Variants in GRIP2 observed in about 807,000 individuals in gnomAD.
The protein encoded by GRIP2 is glutamate receptor interacting protein 2.
Under a neutral mutation model 108.3 loss-of-function variants are expected in GRIP2, and 58 were observed. The observed-to-expected ratio is 0.54, with a 90% CI of 0.43 to 0.67. GRIP2 has a LOEUF of 0.67. GRIP2 is among the 30% of genes least tolerant of loss of function. GRIP2 has a pLI of 0.00. For missense variants in GRIP2, 1,278 were observed against 1,430.6 expected (o/e 0.89, Z 1.72); for synonymous variants, 586 against 598.2 (o/e 0.98, Z 0.30).
chr3:14,515,306 A>G (rs1694219200), intron 11 of GRIP2, among the ~76,000 whole-genome samples: 1 of 152,202 alleles, frequency 6.6e-6, no homozygotes, highest in Non-Finnish European at 1.5e-5. Context: ...ACATTTGTGT[A>G]TAAGTTTTTA....
At chr3:14,588,818 C>G in the GRIP2 span, among the ~76,000 whole-genome samples, 3 of 152,200 alleles carry the variant, frequency 2.0e-5, no homozygotes, top group African/African-American at 7.2e-5. Flanking sequence ...AAGGGCCCCC[C>G]ACACCTCCCA....
chr3:14,506,668 G>A, intron 19 of GRIP2, 133 bp downstream of exon 19: 4 of 833,124 alleles, frequency 4.8e-6, no homozygotes, highest in Non-Finnish European at 7.0e-6. Context: ...CTTCCTTCAG[G>A]AAGGGCCCCT....
At chr3:14,527,950 T>C (rs2124935223) in intron 1 of GRIP2, among the ~76,000 whole-genome samples, 1 of 152,322 alleles carries the variant, frequency 6.6e-6, no homozygotes, top group South Asian at 2.1e-4. Flanking sequence ...ATTTACTCTT[T>C]GTGGTGAGCA....
intron 12 of GRIP2, 88 bp downstream of exon 12, chr3:14,514,204 G>T: frequency 8.3e-7 from 1 of 1,207,152 alleles, no homozygotes; most frequent in Non-Finnish European, 1.2e-6. Flanking sequence ...GGTTAAGTGA[G>T]ATGCGCTTGT....
chr3:14,548,354 G>A (rs1695089348), intron 1 of GRIP2, among the ~76,000 whole-genome samples: 1 of 152,100 alleles, frequency 6.6e-6, no homozygotes, highest in African/African-American at 2.4e-5. Flanking sequence ...GCTCTCCGGA[G>A]GCCCCTCCGG....
At chr3:14,544,237 G>A (rs1199779770), upstream of GRIP2, among the ~76,000 whole-genome samples, 4 of 152,078 alleles carry the variant, frequency 2.6e-5, no homozygotes, top group Non-Finnish European at 4.4e-5. Flanking sequence ...TCTTCCCAAC[G>A]CAGGGCCAGG....
chr3:14,590,506 C>T, the GRIP2 span, among the ~76,000 whole-genome samples: 15 of 152,306 alleles, frequency 9.8e-5, no homozygotes, highest in East Asian at 9.6e-4. Flanking sequence ...GCTGATACCC[C>T]GCCTTGCAGG....
chr3:14,591,646 T>C, the GRIP2 span, among the ~76,000 whole-genome samples: 1 of 152,258 alleles, frequency 6.6e-6, no homozygotes, highest in Non-Finnish European at 1.5e-5. Context: ...ATGGAAAAGT[T>C]AGCTAACTTT....
rs1202947091 is a variant in GRIP2 at position 14,505,922 on chromosome 3, T to C, written c.2399-133A>G. 1.4e-6 allele frequency: 1 copy of C among 728,340 alleles called. No individual in the cohort carries two copies. The highest frequency in any genetic ancestry group is 2.1e-6 in the Non-Finnish European group (1 of 475,138). 45.1% of individuals were successfully genotyped at this position (728,340 alleles called of 1,614,324 possible). Reference sequence around the variant, plus strand: ...CTGGGCCTGCATCTACACAGCCCTCTGAGGGCCTCTGCCTCTCAGAATCTC... The same window carrying C: ...CTGGGCCTGCATCTACACAGCCCTCCGAGGGCCTCTGCCTCTCAGAATCTC... On this transcript the variant is annotated intron_variant, in intron 19 of 23. Transcript: ENST00000621039. The surrounding 1 kb of genome is among the most constrained non-coding windows in gnomAD (Gnocchi z 4.2).
chr3:14,520,654 G>T, intron 7 of GRIP2, 117 bp from the exon 8 acceptor site: 1 of 961,568 alleles, frequency 1.0e-6, no homozygotes, highest in South Asian at 1.7e-5. Context: ...ATACCCATTT[G>T]ATTAACATAA....
chr3:14,550,724 A>G (rs1372675951), intron 1 of GRIP2, among the ~76,000 whole-genome samples: 1 of 152,164 alleles, frequency 6.6e-6, no homozygotes, highest in Non-Finnish European at 1.5e-5. Context: ...CTTCACCTCC[A>G]TCCCCAGCTT....
intron 21 of GRIP2, 61 bp from the exon 22 acceptor site, chr3:14,496,621 A>G: frequency 6.5e-7 from 1 of 1,549,712 alleles, no homozygotes; most frequent in Non-Finnish European, 8.7e-7. Flanking sequence ...GGCAGTCAGC[A>G]TCCACTGACA....
At chr3:14,603,001 G>A in the GRIP2 span, among the ~76,000 whole-genome samples, 1 of 146,786 alleles carries the variant, frequency 6.8e-6, no homozygotes, top group African/African-American at 2.4e-5. Context: ...CCGCCCTGCG[G>A]CCCGGCCCGG....
rs117169758 is a variant in GRIP2, at chr3:14,550,484, G to A, written c.55+5416C>T. ...ACACCAGCATGGTAATGAAGTGTGA[G>A]GAACATTCTAGTATGCCACCCTCCC... On this transcript the variant is annotated intron_variant, in intron 1 of 23. Coordinates refer to the GRIP2 transcript ENST00000637182. Among the ~76,000 whole-genome samples, 91 of 152,306 alleles carry A rather than the reference G, an allele frequency of 6.0e-4. 3 individuals carry two copies. In the East Asian group the frequency reaches 0.015, roughly 26 times the overall value.
intron 9 of GRIP2, among the ~76,000 whole-genome samples, chr3:14,518,218 G>A (rs1253242501): frequency 6.6e-6 from 1 of 152,226 alleles, no homozygotes; most frequent in Non-Finnish European, 1.5e-5. Flanking sequence ...ATGGCTATGA[G>A]TGCTGCCATG....
In GRIP2 at chr3:14,504,875, CA is replaced by C. The variant is rs61300204; in HGVS notation, c.2573+739del. On this transcript the variant is annotated intron_variant, in intron 20 of 23. Transcript: ENST00000621039. ...ATATGTCTGAGCACCTACTAGGGGCCACGCGTGGAGCTGGGGTGCCACGCAG... is the reference window on the plus strand; with the variant it reads ...ATATGTCTGAGCACCTACTAGGGGCCCGCGTGGAGCTGGGGTGCCACGCAG... 1.3e-3 allele frequency among the ~76,000 whole-genome samples: 191 copies of C among 152,194 alleles called. 3 individuals carry two copies. Among genetic ancestry groups the C allele is most frequent in the African/African-American group, 4.2e-3 (173 of 41,476 alleles).
In GRIP2 at chr3:14,490,073, A is replaced by G. The variant is rs1339706713; in HGVS notation, c.*3592T>C. The stretch of plus-strand genomic sequence containing the variant: ...ATAGACAATGTTAGAATAGAAGACC[A>G]CCCTACCCCCATTTTCTGGCTCTTT... On this transcript the variant is annotated 3_prime_UTR_variant, in exon 24 of 24. Transcript: ENST00000621039. The G allele has an allele frequency of 6.6e-6, 1 of 152,002 alleles. No individual in the cohort carries two copies. The highest frequency in any genetic ancestry group is 1.5e-5 in the Non-Finnish European group (1 of 68,016). 9.4% of individuals were successfully genotyped at this position (152,002 alleles called of 1,614,324 possible).
intron 19 of GRIP2, 62 bp downstream of exon 19, chr3:14,506,739 G>A: frequency 1.4e-6 from 2 of 1,436,768 alleles, no homozygotes; most frequent in South Asian, 1.4e-5. Flanking sequence ...TCCTGCACAG[G>A]CCCAGCAGCA....
chr3:14,514,299 C>T lies in GRIP2; in HGVS notation c.1486G>A (p.Ala496Thr), dbSNP rs772006227. ...LVCFIEPDSP[A>T]ERCGLLQVGD... ...AGGGGGCAGGAGGCTCACCTCTCAG[C>T]CGGACTGTCAGGCTCGATGAAGCAC... Residue 496 changes from alanine to threonine, a missense_variant, in exon 12 of 24, where the codon GCT (alanine) becomes ACT (threonine). Ala to Thr is a moderately conservative substitution (Grantham distance 58). Transcript: ENST00000621039. 6.4e-7 allele frequency: 1 copy of T among 1,557,324 alleles called. No individual in the cohort carries two copies. The highest frequency in any genetic ancestry group is 8.7e-7 in the Non-Finnish European group (1 of 1,151,542).
Sources: gnomAD v4.1 joint callset for allele counts (sites outside exome capture counted in the v4.1 genomes callset) on GRCh38, gnomAD v4.1.1 for gene constraint, Gnocchi (gnomAD v3.1) non-coding constraint, MANE v1.5 for transcripts, NCBI Gene and HGNC (gene_info 2026-07-23, HGNC 2026-07-21) for gene names.